RAD52: variants seen among roughly 807,000 people sequenced by gnomAD.
The protein encoded by RAD52 is RAD52 DNA repair protein.
Under a neutral mutation model 55.5 loss-of-function variants are expected in RAD52, and 47 were observed. The observed-to-expected ratio is 0.85, with a 90% CI of 0.67 to 1.08. The LOEUF (loss-of-function observed/expected upper bound fraction) is 1.08. Ranked by LOEUF, RAD52 falls within the 50% of genes least tolerant of loss-of-function variation. RAD52 has a pLI of 0.00. For missense variants in RAD52, 468 were observed against 522.8 expected (o/e 0.90, Z 1.02); for synonymous variants, 184 against 198.9 (o/e 0.92, Z 0.63).
chr12:990,934 CGTGTGTGT>C (rs758442595), upstream of RAD52: 2 of 99,418 alleles, frequency 2.0e-5, no homozygotes, highest in African/African-American at 6.1e-5. Context: ...CCGCAGGGGT[CGTGTGTGT>C]GTGTGTGTGA....
intron 1 of RAD52, among the ~76,000 whole-genome samples, chr12:970,318 C>CAA (rs4017793): frequency 0.5 from 33,225 of 66,988 alleles, 8,970 homozygotes; most frequent in East Asian, 0.67. Flanking sequence ...GACATCATCT[C>CAA]AAAAAAAAAA....
Position 933,105 on chromosome 12 carries a change from A to C in RAD52, c.-18-29T>G, listed in dbSNP as rs1056865904. The C allele has an allele frequency of 7.0e-6, 9 of 1,289,598 alleles. No individual in the cohort carries two copies. In the African/African-American group the frequency reaches 7.5e-5, roughly 11 times the overall value. The allele number at this position is 1,289,598 out of a possible 1,614,324, so 79.9% of individuals were successfully genotyped here. A position where few individuals can be genotyped will look rare whatever the true frequency, so the allele number is the denominator to read the frequency against. ...TATAAATAAAAAGCGGAAAAAAAAAACAACCCTCAAAGAATGTTTAAAGTA... is the reference window on the plus strand; with the variant it reads ...TATAAATAAAAAGCGGAAAAAAAAACCAACCCTCAAAGAATGTTTAAAGTA... On this transcript the variant is annotated intron_variant, in intron 1 of 11. Transcript: ENST00000358495.
intron 3 of RAD52, among the ~76,000 whole-genome samples, 166 bp downstream of exon 3, chr12:931,054 G>T (rs932189227): frequency 6.6e-6 from 1 of 152,080 alleles, no homozygotes; most frequent in Non-Finnish European, 1.5e-5. Flanking sequence ...GGCCCCTTCG[G>T]ATGAGAATGA....
upstream of RAD52, chr12:949,728 T>G (rs1364227869): frequency 7.2e-6 from 1 of 138,270 alleles, no homozygotes; most frequent in Non-Finnish European, 1.5e-5. Context: ...GGGAAGAAGG[T>G]CCGAACCCAC....
At chr12:987,648 C>T (rs781220436) in intron 1 of RAD52, among the ~76,000 whole-genome samples, 2 of 151,604 alleles carry the variant, frequency 1.3e-5, no homozygotes, top group Non-Finnish European at 2.9e-5. Context: ...GCAACCTCTG[C>T]CTCCTGGGCT....
At position 971,964 on chromosome 12, in the gene RAD52, G is replaced by A. The variant is rs527813551; in HGVS notation, c.-19+17845C>T. On this transcript the variant is annotated intron_variant, in intron 1 of 11. Coordinates refer to the RAD52 transcript ENST00000430095. Reference sequence around the variant, plus strand: ...GGGGTTTCACCGTGTTAGCCAGGATGGTCTCGATCTCCTGACCTCGTGATC... The same window carrying A: ...GGGGTTTCACCGTGTTAGCCAGGATAGTCTCGATCTCCTGACCTCGTGATC... Among the ~76,000 whole-genome samples the A allele has an allele frequency of 3.9e-3, 593 of 152,164 alleles. 3 individuals carry two copies. The highest frequency in any genetic ancestry group is 0.01 in the Middle Eastern group (3 of 294).
upstream of RAD52, chr12:990,964 T>TGTGTGTGTGTGTGTGTGTGTGTGCGCGC: frequency 1.3e-5 from 2 of 151,882 alleles, no homozygotes; most frequent in Admixed American, 6.6e-5. Context: ...TGTGTGTGTG[T>TGTGTGTGTGTGTGTGTGTGTGTGCGCGC]GTGCAGGGAC....
chr12:914,107 T>G lies in RAD52; in HGVS notation c.982A>C (p.Asn328His). The change falls in exon 11 of 12, where the codon AAC (asparagine) becomes CAC (histidine). Residue 328 changes from asparagine to histidine, a missense_variant. Asn to His is a moderately conservative substitution (Grantham distance 68). Transcript: ENST00000358495. ...GGAGTCACAGCCCACTTTTCAGAGT[T>G]GTCTTCAAGAGTCTCTACAGAGGTC... Reference protein sequence around the residue: ...TQELIKTLEDNSEKWAVTPDA... With the variant: ...TQELIKTLEDHSEKWAVTPDA... 1 of 1,614,136 alleles carries G rather than the reference T, an allele frequency of 6.2e-7. No individual in the cohort carries two copies. Among genetic ancestry groups the G allele is most frequent in the South Asian group, 1.1e-5 (1 of 91,082 alleles).
At chr12:914,197 C>G (rs1007803806) in intron 10 of RAD52, 76 bp from the exon 11 acceptor site, 133 of 1,421,188 alleles carry the variant, frequency 9.4e-5, no homozygotes, top group Non-Finnish European at 1.2e-4. Flanking sequence ...AAAACTGGCC[C>G]TCAGAAATTC....
At chr12:922,078 C>T (rs1565655915) in intron 7 of RAD52, among the ~76,000 whole-genome samples, 1 of 150,774 alleles carries the variant, frequency 6.6e-6, no homozygotes, top group Non-Finnish European at 1.5e-5. Flanking sequence ...GCACTCCAGC[C>T]TGGGTAACAG....
intron 1 of RAD52, among the ~76,000 whole-genome samples, chr12:972,707 A>G (rs945582561): frequency 2.8e-5 from 4 of 144,576 alleles, no homozygotes; most frequent in Admixed American, 7.0e-5. Context: ...CCGAGGTTGC[A>G]GTGAGCTGAG....
At chr12:927,389 G>A (rs372092138) in intron 5 of RAD52, 126 bp from the exon 6 acceptor site, 26 of 721,944 alleles carry the variant, frequency 3.6e-5, no homozygotes, top group African/African-American at 1.0e-4. Flanking sequence ...ACAGGGGCAC[G>A]GGCAGAAGGC....
chr12:962,422 G>C (rs1468517155), intron 1 of RAD52, among the ~76,000 whole-genome samples: 1 of 148,700 alleles, frequency 6.7e-6, no homozygotes, highest in Admixed American at 6.7e-5. Flanking sequence ...CTCACTGCAA[G>C]CTCCGCTCCC....
chr12:937,718 G>A lies in RAD52; in HGVS notation c.-18-4642C>T, dbSNP rs181949262. ...TGGGACTACAGGTGTGAGCCACCGC[G>A]CCCAGCCATCCCTTCAGCTCTTACC... On this transcript the variant is annotated intron_variant, in intron 1 of 11. Coordinates refer to ENST00000358495, the MANE Select transcript of RAD52 (RefSeq NM_134424.4). 3.9e-3 allele frequency among the ~76,000 whole-genome samples: 594 copies of A among 152,076 alleles called. 2 individuals carry two copies. The highest frequency in any genetic ancestry group is 7.2e-3 in the Non-Finnish European group (488 of 67,980).
intron 2 of RAD52, among the ~76,000 whole-genome samples, chr12:931,554 C>T (rs1220187844): frequency 6.6e-6 from 1 of 152,152 alleles, no homozygotes; most frequent in Non-Finnish European, 1.5e-5. Flanking sequence ...AAAACTCTAC[C>T]ATTCACTCAT....
chr12:987,300 CCTT>C (rs1019715405), intron 1 of RAD52, among the ~76,000 whole-genome samples: 9 of 151,968 alleles, frequency 5.9e-5, no homozygotes, highest in Non-Finnish European at 8.8e-5. Flanking sequence ...TTTATGGGCT[CCTT>C]TTTTTCCTCT....
At chr12:955,460 C>G (rs985632937) in intron 1 of RAD52, among the ~76,000 whole-genome samples, 1 of 112,784 alleles carries the variant, frequency 8.9e-6, no homozygotes, top group African/African-American at 3.3e-5. Context: ...CAGCAACGTA[C>G]TGTTCTTCTT....
chr12:931,186 G>T, intron 3 of RAD52, 34 bp downstream of exon 3: 1 of 1,539,806 alleles, frequency 6.5e-7, no homozygotes. Flanking sequence ...CTGCGGTATG[G>T]ATGCCTGCTT....
chr12:935,785 G>A (rs1295469377), intron 1 of RAD52, among the ~76,000 whole-genome samples: 5 of 151,538 alleles, frequency 3.3e-5, no homozygotes, highest in Admixed American at 6.6e-5. Flanking sequence ...CCCGGAAGGC[G>A]GAGGTTGCAG....
Sources: gnomAD v4.1 joint callset for allele counts (sites outside exome capture counted in the v4.1 genomes callset) on GRCh38, gnomAD v4.1.1 for gene constraint, MANE v1.5 for transcripts, NCBI Gene and HGNC (gene_info 2026-07-23, HGNC 2026-07-21) for gene names.